CALD1: variants seen among roughly 807,000 people sequenced by gnomAD.
CALD1 encodes caldesmon 1.
CALD1 carries 33 observed loss-of-function variants against 99.9 expected under a neutral mutation model. The observed-to-expected ratio is 0.33, with a 90% confidence interval of 0.25 to 0.44. The LOEUF is 0.44. Ranked by LOEUF, CALD1 falls within the 20% of genes least tolerant of loss-of-function variation. CALD1 has a pLI of 1.00. For synonymous variants in CALD1, 310 were observed against 325.0 expected, an observed-to-expected ratio of 0.95 and a Z score of 0.50; for missense variants, 861 against 962.1, an observed-to-expected ratio of 0.89 and a Z score of 1.39.
chr7:134,938,498 C>T (rs1344668724), intron 6 of CALD1, among the ~76,000 whole-genome samples: 2 of 152,142 alleles, frequency 1.3e-5, no homozygotes, highest in African/African-American at 4.8e-5. Flanking sequence ...GTATGAAGCA[C>T]ACAAACTTTT....
At chr7:134,961,598 C>T (rs1380111349) in intron 13 of CALD1, 1 of 152,114 alleles carries the variant, frequency 6.6e-6, no homozygotes, top group Non-Finnish European at 1.5e-5. Flanking sequence ...TTCACAAATC[C>T]TTCTTGGGCA....
intron 3 of CALD1, among the ~76,000 whole-genome samples, chr7:134,911,822 G>T (rs543926628): frequency 6.6e-6 from 1 of 152,188 alleles, no homozygotes; most frequent in Non-Finnish European, 1.5e-5. Flanking sequence ...TGCTAAAAAT[G>T]TATAAAACTT....
At chr7:134,711,660 C>CTCTCTCTATATATATA in the CALD1 span, among the ~76,000 whole-genome samples, 5 of 78,354 alleles carry the variant, frequency 6.4e-5, no homozygotes, top group African/African-American at 3.1e-4. Context: ...CTCTCTCTCT[C>CTCTCTCTATATATATA]TATATATATA....
At chr7:134,812,148 T>C (rs1798375093) in intron 1 of CALD1, among the ~76,000 whole-genome samples, 1 of 152,212 alleles carries the variant, frequency 6.6e-6, no homozygotes, top group African/African-American at 2.4e-5. Context: ...TTTTAACAAC[T>C]TATCAAATAT....
chr7:134,732,609 A>C, the CALD1 span, among the ~76,000 whole-genome samples: 1 of 152,166 alleles, frequency 6.6e-6, no homozygotes, highest in African/African-American at 2.4e-5. Flanking sequence ...GTGAGAAATA[A>C]ATTTATATTG....
chr7:134,827,179 G>GA (rs1315496418), intron 1 of CALD1, among the ~76,000 whole-genome samples: 1 of 152,142 alleles, frequency 6.6e-6, no homozygotes, highest in Non-Finnish European at 1.5e-5. Context: ...TATGCCCTTA[G>GA]TAACTCTAAG....
At chr7:134,926,879 T>C (rs551353117) in intron 3 of CALD1, among the ~76,000 whole-genome samples, 6 of 152,332 alleles carry the variant, frequency 3.9e-5, no homozygotes, top group African/African-American at 1.2e-4. Flanking sequence ...TAAAGTGTAT[T>C]GTACACTTTA....
At chr7:134,962,718 T>C in intron 13 of CALD1, 3 of 416,528 alleles carry the variant, frequency 7.2e-6, no homozygotes, top group South Asian at 5.2e-5. Flanking sequence ...TTTGAGCTGG[T>C]TTGTCTATTC....
intron 13 of CALD1, among the ~76,000 whole-genome samples, chr7:134,964,111 C>T (rs1180707461): frequency 6.6e-6 from 1 of 152,128 alleles, no homozygotes; most frequent in South Asian, 2.1e-4. Flanking sequence ...GCAGGAGAAT[C>T]GCTTGAACCC....
intron 1 of CALD1, among the ~76,000 whole-genome samples, chr7:134,837,446 G>A (rs919039000): frequency 9.9e-5 from 15 of 151,830 alleles, no homozygotes; most frequent in African/African-American, 3.1e-4. Context: ...GGGTTCATGC[G>A]ATTCTCCTGC....
intron 4 of CALD1, among the ~76,000 whole-genome samples, chr7:134,932,306 C>A (rs1392213768): frequency 2.0e-5 from 3 of 152,198 alleles, no homozygotes; most frequent in African/African-American, 7.2e-5. Context: ...AATCTCAACA[C>A]TGTAATGTAC....
At chr7:134,845,113 C>T (rs1336642780) in intron 2 of CALD1, among the ~76,000 whole-genome samples, 1 of 152,174 alleles carries the variant, frequency 6.6e-6, no homozygotes, top group Non-Finnish European at 1.5e-5. Flanking sequence ...TTAGCGATTA[C>T]ATTACTCTCA....
At chr7:134,765,422 C>T (rs7778822) in intron 1 of CALD1, among the ~76,000 whole-genome samples, 2 of 151,884 alleles carry the variant, frequency 1.3e-5, no homozygotes, top group Admixed American at 1.3e-4. Flanking sequence ...TTTTTTAAAA[C>T]CCTAGTAAGA....
chr7:134,723,099 T>C, the CALD1 span, among the ~76,000 whole-genome samples: 1 of 152,336 alleles, frequency 6.6e-6, no homozygotes, highest in East Asian at 1.9e-4. Flanking sequence ...AGCCTGAGTA[T>C]GAAGCTCATC....
chr7:134,767,166 G>A lies in CALD1; in HGVS notation c.-130+22803G>A, dbSNP rs192758564. Among the ~76,000 whole-genome samples, 414 of 150,404 alleles carry A rather than the reference G, an allele frequency of 2.8e-3. 1 individual carries two copies. The highest frequency in any genetic ancestry group is 9.3e-3 in the African/African-American group (379 of 40,818). ...TGCAAAGATATTTCAGTTCTCCCTCGTGTACACACACTCTCTCTCTCTCTG... is the reference window on the plus strand; with the variant it reads ...TGCAAAGATATTTCAGTTCTCCCTCATGTACACACACTCTCTCTCTCTCTG... On this transcript the variant is annotated intron_variant, in intron 1 of 13. Coordinates refer to the CALD1 transcript ENST00000417172.
intron 7 of CALD1, among the ~76,000 whole-genome samples, chr7:134,942,861 G>A (rs1026156561): frequency 1.3e-5 from 2 of 152,138 alleles, no homozygotes; most frequent in Admixed American, 6.5e-5. Context: ...AAGCTTCAAA[G>A]CTCAAATTAA....
Position 134,744,685 on chromosome 7 carries a change from C to T in CALD1, c.-130+322C>T, listed in dbSNP as rs927409703. On this transcript the variant is annotated intron_variant, in intron 1 of 13. Coordinates refer to the CALD1 transcript ENST00000417172. ...ATTCTTCACCAAACATTGGCAGAGTCGGCTTGGTTACCATGATAAATACCT... is the reference window on the plus strand; with the variant it reads ...ATTCTTCACCAAACATTGGCAGAGTTGGCTTGGTTACCATGATAAATACCT... Among the ~76,000 whole-genome samples, 12 of 152,176 alleles carry T rather than the reference C, an allele frequency of 7.9e-5. No individual in the cohort carries two copies. In the East Asian group the frequency reaches 1.9e-3, roughly 25 times the overall value.
chr7:134,837,793 A>C (rs1031990201), intron 1 of CALD1, among the ~76,000 whole-genome samples: 4 of 152,228 alleles, frequency 2.6e-5, no homozygotes, highest in Non-Finnish European at 5.9e-5. Flanking sequence ...AGTACAATGG[A>C]AGAAGAAAAA....
chr7:134,877,439 A>G (rs1339494458), intron 3 of CALD1, among the ~76,000 whole-genome samples: 1 of 152,254 alleles, frequency 6.6e-6, no homozygotes, highest in Non-Finnish European at 1.5e-5. Context: ...AGACAAAAGC[A>G]TGCAATAGTC....
Sources: allele counts gnomAD v4.1 joint callset (sites outside exome capture counted in the v4.1 genomes callset), GRCh38; gene constraint gnomAD v4.1.1; transcripts MANE v1.5; gene names NCBI Gene and HGNC (gene_info 2026-07-23, HGNC 2026-07-21).